The following LSP1 variants were observed in gnomAD, a reference collection of about 807,000 sequenced individuals.
The protein encoded by LSP1 is lymphocyte specific protein 1, also known as lymphocyte-specific protein 1.
Under a neutral mutation model 49.3 loss-of-function variants are expected in LSP1, and 32 were observed. The ratio of observed to expected loss-of-function variants is 0.65; its 90% CI spans 0.49 to 0.87. LSP1 has a LOEUF of 0.87. LSP1 is among the 40% of genes least tolerant of loss of function. LSP1 has a pLI of 0.00. For synonymous variants in LSP1, 179 were observed against 178.8 expected (o/e 1.00, Z -0.01); for missense variants, 428 against 442.6 (o/e 0.97, Z 0.30).
chr11:1,881,130 C>T, intron 2 of LSP1: 1 of 325,248 alleles, frequency 3.1e-6, no homozygotes, highest in Non-Finnish European at 5.7e-6. Context: ...ATGAGGGAGG[C>T]ATAGCCCTGC....
In LSP1 at chr11:1,892,083, A is replaced by G. The variant is rs555957009; in HGVS notation, c.*324A>G. ...CCCCTGGAGAGGCCAAGTGCCTTCT[A>G]GGAAGTTAGGAGGTTGAGGCACAGC... On this transcript the variant is annotated 3_prime_UTR_variant, in exon 11 of 11. Transcript: ENST00000311604. The G allele has an allele frequency of 7.9e-5, 12 of 151,856 alleles. No homozygotes were observed. Among genetic ancestry groups the G allele is most frequent in the African/African-American group, 2.9e-4 (12 of 41,352 alleles). The allele number at this position is 151,856 out of a possible 1,614,324, so 9.4% of individuals were successfully genotyped here.
intron 9 of LSP1, 55 bp from the exon 10 acceptor site, chr11:1,887,419 G>A: frequency 1.3e-6 from 2 of 1,582,626 alleles, no homozygotes; most frequent in Admixed American, 3.3e-5. Context: ...GGCGGAGGCA[G>A]CATCATCTCC....
At chr11:1,873,956 C>G (rs533631340) in intron 1 of LSP1, among the ~76,000 whole-genome samples, 292 of 49,090 alleles carry the variant, frequency 5.9e-3, no homozygotes, top group African/African-American at 0.016. Flanking sequence ...GCCGGCAGAG[C>G]AGGGAGCCCG....
At chr11:1,890,586 A>T (rs1276106744) in intron 10 of LSP1, 1 of 705,804 alleles carries the variant, frequency 1.4e-6, no homozygotes, top group Admixed American at 2.0e-5. Context: ...TATGAGCATG[A>T]CTGTGTCCTA....
chr11:1,853,226 C>T (rs767033262), intron 1 of LSP1, 29 bp downstream of exon 1: 1 of 1,600,522 alleles, frequency 6.2e-7, no homozygotes, highest in Non-Finnish European at 8.5e-7. Context: ...GCCCGGCGCC[C>T]TGTGCCGTGT....
chr11:1,867,112 G>T (rs1847819669), intron 1 of LSP1, among the ~76,000 whole-genome samples: 1 of 152,146 alleles, frequency 6.6e-6, no homozygotes, highest in African/African-American at 2.4e-5. Flanking sequence ...GAGACAGTGA[G>T]GAGGGGACCT....
intron 10 of LSP1, chr11:1,890,233 G>C (rs1252640954): frequency 1.4e-6 from 1 of 716,494 alleles, no homozygotes; most frequent in Non-Finnish European, 2.6e-6. Context: ...TGGATGATGG[G>C]GGTGTGCGGG....
chr11:1,883,531 G>A lies in LSP1; in HGVS notation c.469G>A (p.Ala157Thr), dbSNP rs375326868. 55 of 1,613,180 alleles carry A rather than the reference G, an allele frequency of 3.4e-5. No individual in the cohort carries two copies. The highest frequency in any genetic ancestry group is 4.4e-5 in the Non-Finnish European group (52 of 1,179,848). Residue 157 changes from alanine to threonine, a missense_variant, in exon 4 of 11, where the codon GCC becomes ACC. Ala to Thr is a moderately conservative substitution (Grantham distance 58). Transcript: ENST00000311604. Reference protein sequence around the residue: ...PEDTVQDNLGAAGAEEEQEEH... With the variant: ...PEDTVQDNLGTAGAEEEQEEH... Reference sequence around the variant, plus strand: ...GGACACTGTCCAGGACAACCTGGGGGCCGCAGGGGCTGAGGAGGAACAGGA... The same window carrying A: ...GGACACTGTCCAGGACAACCTGGGGACCGCAGGGGCTGAGGAGGAACAGGA...
intron 1 of LSP1, chr11:1,869,863 G>C (rs1847924805): frequency 2.0e-5 from 9 of 458,062 alleles, no homozygotes; most frequent in South Asian, 1.3e-4. Flanking sequence ...GGGACCCCCT[G>C]GGTCAGGACC....
At chr11:1,863,951 C>T (rs1847708560) in intron 1 of LSP1, among the ~76,000 whole-genome samples, 1 of 151,736 alleles carries the variant, frequency 6.6e-6, no homozygotes, top group African/African-American at 2.4e-5. Context: ...ATTTGGGGAA[C>T]AGAGAGGGTT....
intron 4 of LSP1, 45 bp downstream of exon 4, chr11:1,883,605 G>T (rs1196139059): frequency 6.4e-7 from 1 of 1,560,618 alleles, no homozygotes; most frequent in Non-Finnish European, 8.7e-7. Flanking sequence ...CCCACCCCAG[G>T]GATGAGTCTG....
At chr11:1,890,573 C>A in intron 10 of LSP1, 2 of 708,862 alleles carry the variant, frequency 2.8e-6, no homozygotes, top group Non-Finnish European at 5.2e-6. Flanking sequence ...TCGACGCAGC[C>A]GATATGAGCA....
At chr11:1,891,583 T>C (rs990123461) in intron 10 of LSP1, 190 bp from the exon 11 acceptor site, 8 of 152,364 alleles carry the variant, frequency 5.3e-5, no homozygotes, top group African/African-American at 1.9e-4. Context: ...AGGGCACAAG[T>C]GCTCGCACTG....
Position 1,887,571 on chromosome 11 carries a change from A to G in LSP1, c.*8A>G. ...GGGGGCCCGGCTCCCTAGGCGTCCC[A>G]TCTCGGTGAGTCCCTGGCAACTCAC... is the stretch of plus-strand genomic sequence containing the variant. On this transcript the variant is annotated 3_prime_UTR_variant, in exon 10 of 11. Coordinates refer to ENST00000311604, the MANE Select transcript of LSP1 (RefSeq NM_002339.3). The G allele has an allele frequency of 6.2e-7, 1 of 1,612,320 alleles. No homozygotes were observed. The highest frequency in any genetic ancestry group is 1.1e-5 in the South Asian group (1 of 91,020).
Position 1,884,813 on chromosome 11 carries a change from A to C in LSP1, c.717+232A>C, listed in dbSNP as rs1160234286. Among the ~76,000 whole-genome samples, 1 of 151,586 alleles carries C rather than the reference A, an allele frequency of 6.6e-6. No individual in the cohort carries two copies. Among genetic ancestry groups the C allele is most frequent in the South Asian group, 2.1e-4 (1 of 4,806 alleles). ...CTTTCAATCAATGCTACTCCATCCAACCAATAATCTCCCATCCTATCAATG... is the reference window on the plus strand; with the variant it reads ...CTTTCAATCAATGCTACTCCATCCACCCAATAATCTCCCATCCTATCAATG... On this transcript the variant is annotated intron_variant, in intron 7 of 10. Coordinates refer to ENST00000311604, the MANE Select transcript of LSP1 (RefSeq NM_002339.3). This position sits in a 1 kb window ranked among gnomAD's most constrained non-coding sequence, Gnocchi z 4.1.
Position 1,888,885 on chromosome 11 carries a change from G to A in LSP1, c.*13+1309G>A, listed in dbSNP as rs74047636. 2.2e-3 allele frequency: 901 copies of A among 408,672 alleles called. 14 individuals are homozygous for A. The highest frequency in any genetic ancestry group is 0.017 in the African/African-American group (805 of 48,576). The allele number at this position is 408,672 out of a possible 1,614,324, so 25.3% of individuals were successfully genotyped here. ...CAAGGCCCCCATCCTACATCCCGAC[G>A]CAGACCCCTTCTCTGTTCCCCTCAC... is the stretch of plus-strand genomic sequence containing the variant. On this transcript the variant is annotated intron_variant, in intron 10 of 10. Coordinates refer to ENST00000311604, the MANE Select transcript of LSP1 (RefSeq NM_002339.3).
At chr11:1,887,161 G>T in intron 8 of LSP1, 76 bp from the exon 9 acceptor site, 1 of 1,349,998 alleles carries the variant, frequency 7.4e-7, no homozygotes, top group Non-Finnish European at 1.0e-6. Flanking sequence ...GGCAAGGCGG[G>T]AGAGAAGGGC....
chr11:1,890,129 C>G (rs1848932178), intron 10 of LSP1: 1 of 716,990 alleles, frequency 1.4e-6, no homozygotes, highest in Admixed American at 2.0e-5. Flanking sequence ...AGGCTACAAC[C>G]TGGGGCCCCA....
In LSP1 at chr11:1,884,141, TC is replaced by T; in HGVS notation, c.591+123del. On this transcript the variant is annotated intron_variant, in intron 5 of 10. Coordinates refer to ENST00000311604, the MANE Select transcript of LSP1 (RefSeq NM_002339.3). This position sits in a 1 kb window ranked among gnomAD's most constrained non-coding sequence, Gnocchi z 4.1. ...GCCCAGGCCTGGCTTTTGTCTGCTATCCCCCCATTGCCCGGTGCTCAGCGAA... is the reference window on the plus strand; with the variant it reads ...GCCCAGGCCTGGCTTTTGTCTGCTATCCCCCATTGCCCGGTGCTCAGCGAA... The T allele has an allele frequency of 4.9e-6, 7 of 1,424,560 alleles. No homozygotes were observed. Among genetic ancestry groups the T allele is most frequent in the Middle Eastern group, 1.8e-4 (1 of 5,610 alleles). 88.2% of individuals were successfully genotyped at this position (1,424,560 alleles called of 1,614,324 possible).
Sources: gnomAD v4.1 joint callset for allele counts (sites outside exome capture counted in the v4.1 genomes callset) on GRCh38, gnomAD v4.1.1 for gene constraint, Gnocchi (gnomAD v3.1) non-coding constraint, MANE v1.5 for transcripts, NCBI Gene and HGNC (gene_info 2026-07-23, HGNC 2026-07-21) for gene names.